Variants in ARMC2 observed in about 807,000 individuals in gnomAD.
The protein encoded by ARMC2 is armadillo repeat containing 2.
ARMC2 carries 67 observed loss-of-function variants against 90.3 expected under a neutral mutation model. The observed-to-expected ratio is 0.74, with a 90% CI of 0.61 to 0.91. The LOEUF (loss-of-function observed/expected upper bound fraction) is 0.91, where lower values mean the gene tolerates loss of function less well. Among genes scored for constraint, ARMC2 ranks in the 40% least tolerant of loss-of-function variants. The probability of loss-of-function intolerance (pLI) is 0.00; values close to 1 mark genes in which losing one functional copy is unlikely to be tolerated. For missense variants in ARMC2, 920 were observed against 1,030.9 expected, an observed-to-expected ratio of 0.89 and a Z score of 1.47; for synonymous variants, 393 against 393.0, an observed-to-expected ratio of 1.00 and a Z score of 0.00.
rs1231455783 is a variant in ARMC2, at chr6:108,901,946, T to TC, written c.847+2157dup. Among the ~76,000 whole-genome samples, 4 of 152,338 alleles carry TC rather than the reference T, an allele frequency of 2.6e-5. No homozygotes were observed. The East Asian group carries it at 7.7e-4, about 29-fold the overall frequency. On this transcript the variant is annotated intron_variant, in intron 7 of 17. Transcript: ENST00000392644. ...CGCAAATTGGGTTTGTCTGATGTTTTCCCGTGATGAGCTCCAGGTTAGCAT... is the reference window on the plus strand; with the variant it reads ...CGCAAATTGGGTTTGTCTGATGTTTTCCCCGTGATGAGCTCCAGGTTAGCAT...
At chr6:109,004,719 G>A in the ARMC2 span, among the ~76,000 whole-genome samples, 216 of 152,148 alleles carry the variant, frequency 1.4e-3, 4 homozygotes, top group East Asian at 0.038. Context: ...GTGAGCCACC[G>A]CACCTGACCA....
intron 5 of ARMC2, among the ~76,000 whole-genome samples, chr6:108,891,087 T>A (rs932433548): frequency 1.3e-5 from 2 of 152,194 alleles, no homozygotes; most frequent in Non-Finnish European, 2.9e-5. Context: ...GAACTCATCC[T>A]TTTTTATGGC....
chr6:108,947,964 T>C (rs1776922277), intron 12 of ARMC2, among the ~76,000 whole-genome samples: 1 of 152,220 alleles, frequency 6.6e-6, no homozygotes, highest in African/African-American at 2.4e-5. Flanking sequence ...TTATAGATGA[T>C]TCTCAGATAT....
chr6:108,989,248 C>T, the ARMC2 span, among the ~76,000 whole-genome samples: 2 of 152,156 alleles, frequency 1.3e-5, no homozygotes, highest in African/African-American at 4.8e-5. Context: ...AGTGATCTGC[C>T]CGCCTTGGCT....
At chr6:108,901,631 G>C (rs1292591168) in intron 7 of ARMC2, among the ~76,000 whole-genome samples, 2 of 151,950 alleles carry the variant, frequency 1.3e-5, no homozygotes, top group African/African-American at 4.8e-5. Flanking sequence ...TGGCCAGGCT[G>C]GTCTCAAACT....
intron 9 of ARMC2, among the ~76,000 whole-genome samples, chr6:108,911,416 G>A (rs1008685530): frequency 6.6e-6 from 1 of 152,128 alleles, no homozygotes; most frequent in African/African-American, 2.4e-5. Context: ...TTTCAAATTT[G>A]TAGGTAAGGA....
the ARMC2 span, among the ~76,000 whole-genome samples, chr6:109,011,660 C>T: frequency 4.5e-3 from 658 of 147,762 alleles, 2 homozygotes; most frequent in African/African-American, 0.016. Flanking sequence ...GACAGAGTCT[C>T]GCTCTGTCAG....
downstream of ARMC2, among the ~76,000 whole-genome samples, chr6:108,978,485 G>C (rs566898863): frequency 4.5e-3 from 680 of 152,332 alleles, 7 homozygotes; most frequent in Non-Finnish European, 6.6e-3. Flanking sequence ...ATTTGGGGTG[G>C]AGAGTTCTGT....
At chr6:108,867,268 G>T (rs536736844) in intron 3 of ARMC2, among the ~76,000 whole-genome samples, 17 of 152,314 alleles carry the variant, frequency 1.1e-4, no homozygotes, top group Non-Finnish European at 2.1e-4. Flanking sequence ...CACCCTGTGA[G>T]GGTCTGGCAT....
At chr6:108,907,455 TTTC>T (rs1280191072) in intron 8 of ARMC2, among the ~76,000 whole-genome samples, 75 of 123,630 alleles carry the variant, frequency 6.1e-4, no homozygotes, top group South Asian at 2.1e-3. Flanking sequence ...GTTTTCTTTC[TTTC>T]TTTTTTTTTT....
chr6:108,989,043 C>T, the ARMC2 span, among the ~76,000 whole-genome samples: 1 of 152,186 alleles, frequency 6.6e-6, no homozygotes, highest in African/African-American at 2.4e-5. Context: ...TGCCCTGTCG[C>T]CCAGGCTGGA....
chr6:108,947,836 A>G (rs527389131), intron 12 of ARMC2, among the ~76,000 whole-genome samples: 10 of 152,318 alleles, frequency 6.6e-5, no homozygotes, highest in African/African-American at 2.4e-4. Flanking sequence ...TAGGAAAAAA[A>G]AAAAAAGCTC....
intron 10 of ARMC2, among the ~76,000 whole-genome samples, chr6:108,927,146 A>G (rs1277027002): frequency 6.6e-6 from 1 of 152,190 alleles, no homozygotes; most frequent in Non-Finnish European, 1.5e-5. Flanking sequence ...TGCTACACAC[A>G]ACCCCCCGAG....
At chr6:108,953,423 T>G in intron 13 of ARMC2, 72 bp downstream of exon 13, 1 of 1,427,022 alleles carries the variant, frequency 7.0e-7, no homozygotes. Context: ...GTTCTGTGTC[T>G]GTGGTGTGAT....
At chr6:108,887,716 C>G (rs761719931) in intron 5 of ARMC2, among the ~76,000 whole-genome samples, 1 of 152,154 alleles carries the variant, frequency 6.6e-6, no homozygotes, top group Non-Finnish European at 1.5e-5. Flanking sequence ...TCTGCCTGTA[C>G]GAAGAATTTC....
the ARMC2 span, chr6:108,994,537 C>G: frequency 1.2e-5 from 20 of 1,613,454 alleles, no homozygotes; most frequent in Admixed American, 1.7e-5. Flanking sequence ...CTTGCCTCTT[C>G]TTCATCTCGA....
chr6:108,975,655 C>T (rs1225255405), downstream of ARMC2, among the ~76,000 whole-genome samples: 6 of 152,202 alleles, frequency 3.9e-5, no homozygotes, highest in African/African-American at 1.2e-4. Flanking sequence ...TCCACATCCT[C>T]TCCAGTATCT....
chr6:109,036,676 CCT>C, the ARMC2 span, among the ~76,000 whole-genome samples: 1 of 152,056 alleles, frequency 6.6e-6, no homozygotes, highest in Non-Finnish European at 1.5e-5. Flanking sequence ...AGTTTCTTTT[CCT>C]GTTAACTTTC....
chr6:108,989,391 C>CTA, the ARMC2 span, among the ~76,000 whole-genome samples: 1 of 150,796 alleles, frequency 6.6e-6, no homozygotes, highest in East Asian at 1.9e-4. Context: ...CTTTCTCTCT[C>CTA]TCTATATATA....
Sources: allele counts gnomAD v4.1 joint callset (sites outside exome capture counted in the v4.1 genomes callset), GRCh38; gene constraint gnomAD v4.1.1; transcripts MANE v1.5; gene names NCBI Gene and HGNC (gene_info 2026-07-23, HGNC 2026-07-21).